Variants in BANK1 observed in about 807,000 individuals in gnomAD.
The protein encoded by BANK1 is B-cell scaffold protein with ankyrin repeats.
Under a neutral mutation model 94.5 loss-of-function variants are expected in BANK1, and 95 were observed. The observed-to-expected ratio is 1.00, with a 90% CI of 0.85 to 1.19. The LOEUF (loss-of-function observed/expected upper bound fraction) is 1.19. BANK1 is among the 50% of genes most tolerant of loss of function. The pLI is 0.00. For missense variants in BANK1, 987 were observed against 932.2 expected (o/e 1.06, Z -0.77); for synonymous variants, 334 against 308.4 (o/e 1.08, Z -0.87).
At position 101,844,802 on chromosome 4, in the gene BANK1, C is replaced by G. The variant is rs140162841; in HGVS notation, c.470-10233C>G. Among the ~76,000 whole-genome samples the G allele has an allele frequency of 1.1e-3, 175 of 152,296 alleles. 1 individual carries two copies. In the East Asian group the frequency reaches 0.028, roughly 24 times the overall value. On this transcript the variant is annotated intron_variant, in intron 2 of 16. Transcript: ENST00000322953. ...AGACATAGTCAAAACTCAGTACTTACTAGCTTACTTTTACACCAACCCCAA... is the reference window on the plus strand; with the variant it reads ...AGACATAGTCAAAACTCAGTACTTAGTAGCTTACTTTTACACCAACCCCAA...
At chr4:101,836,422 G>A (rs745896568) in intron 2 of BANK1, among the ~76,000 whole-genome samples, 1 of 152,198 alleles carries the variant, frequency 6.6e-6, no homozygotes, top group Non-Finnish European at 1.5e-5. Flanking sequence ...AGAGGCTGCC[G>A]TGAGCCCAGA....
At chr4:101,899,801 T>G (rs938038466) in intron 6 of BANK1, among the ~76,000 whole-genome samples, 1 of 152,174 alleles carries the variant, frequency 6.6e-6, no homozygotes, top group South Asian at 2.1e-4. Context: ...AGACAAGGAA[T>G]TACCTCTGGC....
chr4:101,887,408 T>A (rs1386011554), intron 5 of BANK1, among the ~76,000 whole-genome samples: 1 of 152,236 alleles, frequency 6.6e-6, no homozygotes, highest in Non-Finnish European at 1.5e-5. Context: ...TCCTTATTGC[T>A]AGACTTACAT....
intron 7 of BANK1, among the ~76,000 whole-genome samples, chr4:101,955,438 A>G (rs1578419172): frequency 2.0e-5 from 3 of 152,080 alleles, no homozygotes; most frequent in Non-Finnish European, 4.4e-5. Flanking sequence ...CCTTCCTTCT[A>G]TCTATAATAC....
chr4:101,986,863 A>G (rs866153712), intron 7 of BANK1, among the ~76,000 whole-genome samples: 24 of 44,352 alleles, frequency 5.4e-4, no homozygotes, highest in African/African-American at 2.3e-3. Flanking sequence ...ATGTATATAT[A>G]TATGTGTGTA....
chr4:102,070,571 T>C (rs1403732324), intron 13 of BANK1, among the ~76,000 whole-genome samples: 1 of 152,204 alleles, frequency 6.6e-6, no homozygotes, highest in Non-Finnish European at 1.5e-5. Context: ...ATTATCACTT[T>C]AGTGAGGCAA....
At chr4:101,819,192 A>G (rs1726040039) in intron 1 of BANK1, among the ~76,000 whole-genome samples, 2 of 152,110 alleles carry the variant, frequency 1.3e-5, no homozygotes, top group Admixed American at 6.6e-5. Flanking sequence ...ATCAGTTAAG[A>G]CTAGTAACTA....
chr4:101,829,736 A>C, intron 1 of BANK1, 72 bp from the exon 2 acceptor site: 1 of 1,073,458 alleles, frequency 9.3e-7, no homozygotes, highest in Non-Finnish European at 1.3e-6. Flanking sequence ...AGCATATTAA[A>C]ATTTTTGAGA....
chr4:102,047,495 G>A (rs1204413168), intron 11 of BANK1, among the ~76,000 whole-genome samples: 1 of 152,018 alleles, frequency 6.6e-6, no homozygotes, highest in Non-Finnish European at 1.5e-5. Flanking sequence ...TAAATGCAAA[G>A]CTACATGTAA....
At chr4:102,014,849 C>T (rs1463931124) in intron 7 of BANK1, among the ~76,000 whole-genome samples, 1 of 152,058 alleles carries the variant, frequency 6.6e-6, no homozygotes, top group Non-Finnish European at 1.5e-5. Context: ...TTATCTACAC[C>T]AGAAATTCAC....
intron 7 of BANK1, among the ~76,000 whole-genome samples, chr4:101,935,553 T>G (rs550846682): frequency 6.6e-6 from 1 of 151,566 alleles, no homozygotes; most frequent in South Asian, 2.1e-4. Flanking sequence ...TTAAAAGGAA[T>G]CTTTTCTGAA....
intron 7 of BANK1, among the ~76,000 whole-genome samples, chr4:102,009,711 A>T (rs1023651333): frequency 6.6e-6 from 1 of 152,234 alleles, no homozygotes; most frequent in African/African-American, 2.4e-5. Flanking sequence ...AAAATAGTAA[A>T]CCTACCTCAT....
chr4:102,045,635 T>G (rs1727853580), intron 11 of BANK1, among the ~76,000 whole-genome samples: 1 of 151,926 alleles, frequency 6.6e-6, no homozygotes, highest in African/African-American at 2.4e-5. Context: ...ACAAGCATTC[T>G]TATACACCAA....
intron 8 of BANK1, among the ~76,000 whole-genome samples, chr4:102,022,324 T>TA (rs1371914177): frequency 6.6e-6 from 1 of 152,136 alleles, no homozygotes; most frequent in African/African-American, 2.4e-5. Flanking sequence ...TCAAGTCAGT[T>TA]AAAAAATGCT....
intron 7 of BANK1, among the ~76,000 whole-genome samples, chr4:102,002,216 G>T (rs760554678): frequency 6.6e-6 from 1 of 151,952 alleles, no homozygotes; most frequent in East Asian, 1.9e-4. Flanking sequence ...TCTTTCACAC[G>T]TATGATCTTA....
intron 1 of BANK1, among the ~76,000 whole-genome samples, chr4:101,808,034 G>A (rs1725618918): frequency 6.7e-6 from 1 of 149,652 alleles, no homozygotes; most frequent in African/African-American, 2.5e-5. Context: ...GCAGTGAGTG[G>A]AGATCACACG....
At chr4:101,923,661 T>G (rs542258777) in intron 7 of BANK1, among the ~76,000 whole-genome samples, 1 of 151,896 alleles carries the variant, frequency 6.6e-6, no homozygotes, top group South Asian at 2.1e-4. Flanking sequence ...AGAAGAAAAT[T>G]TATAAACAGG....
At chr4:102,024,299 G>A (rs936698583) in intron 8 of BANK1, among the ~76,000 whole-genome samples, 1 of 151,996 alleles carries the variant, frequency 6.6e-6, no homozygotes, top group African/African-American at 2.4e-5. Context: ...ATATTCAAAG[G>A]TCTGTTACAG....
chr4:101,989,357 G>C (rs936965192), intron 7 of BANK1, among the ~76,000 whole-genome samples: 3 of 150,496 alleles, frequency 2.0e-5, no homozygotes, highest in African/African-American at 7.4e-5. Flanking sequence ...CTTGAACCCA[G>C]GAGGCAGAGG....
Sources: allele counts gnomAD v4.1 joint callset (sites outside exome capture counted in the v4.1 genomes callset), GRCh38; gene constraint gnomAD v4.1.1; transcripts MANE v1.5; gene names NCBI Gene and HGNC (gene_info 2026-07-23, HGNC 2026-07-21).